The following POLE variants were observed in gnomAD, a reference collection of about 807,000 sequenced individuals.
POLE encodes the protein DNA polymerase epsilon catalytic subunit A.
POLE carries 188 observed loss-of-function variants against 279.2 expected under a neutral mutation model. The observed-to-expected ratio is 0.67, with a 90% CI of 0.60 to 0.76. The LOEUF is 0.76. Among genes scored for constraint, POLE ranks in the 30% least tolerant of loss-of-function variants. POLE has a pLI of 0.00. For missense variants in POLE, 2,703 were observed against 3,016.7 expected (o/e 0.90, Z 2.44); for synonymous variants, 1,214 against 1,172.5 (o/e 1.04, Z -0.72).
chr12:132,625,237 C>A (rs1213895219), intron 47 of POLE: 10 of 726,398 alleles, frequency 1.4e-5, no homozygotes, highest in South Asian at 1.3e-4. Context: ...GAGGCCTCCT[C>A]CAGGCCCTGC....
In POLE at chr12:132,639,282, C is replaced by T. The variant is rs780525568; in HGVS notation, c.5395G>A (p.Val1799Ile). The T allele has an allele frequency of 2.5e-6, 4 of 1,614,026 alleles. No individual in the cohort carries two copies. Among genetic ancestry groups the T allele is most frequent in the Non-Finnish European group, 3.4e-6 (4 of 1,179,944 alleles). Residue 1799 changes from valine (V) to isoleucine (I), a missense_variant, in exon 40 of 49, where the codon GTC becomes ATC. Physicochemically the swap from Val to Ile is conservative, Grantham distance 29 (BLOSUM62 3). Around this residue, in one of 5 missense-constraint regions of POLE, gnomAD observed 1,551 missense variants for 1,686.1 expected, o/e 0.92. Transcript: ENST00000320574. The surrounding 1 kb of genome is among the most constrained non-coding windows in gnomAD (Gnocchi z 4.7). ...SNTFRILKSM[V>I]VGWVKEITQY... ...GTGATCTCCTTCACCCAGCCCACGA[C>T]CATGCTCTTCAGGATCCTGAAAGAG... is the stretch of plus-strand genomic sequence containing the variant.
At chr12:132,676,792 GACTAACCAACCTAC>G in intron 8 of POLE, 139 bp from the exon 9 acceptor site, 1 of 633,120 alleles carries the variant, frequency 1.6e-6, no homozygotes, top group Admixed American at 2.6e-5. Context: ...AGGACCCTAA[GACTAACCAACCTAC>G]ATCAAGAGTA....
rs2042236332 is a variant in POLE at position 132,644,717 on chromosome 12, C to T, written c.4150-740G>A. ...GGAGAGCTGGAGAGGGGCACCCTAGCTTCGTGAATGGGGTCCTGGAGGGGT... is the reference window on the plus strand; with the variant it reads ...GGAGAGCTGGAGAGGGGCACCCTAGTTTCGTGAATGGGGTCCTGGAGGGGT... On this transcript the variant is annotated intron_variant, in intron 32 of 48. Transcript: ENST00000320574. Among the ~76,000 whole-genome samples the T allele has an allele frequency of 2.0e-5, 3 of 146,438 alleles. No individual in the cohort carries two copies. In the South Asian group the frequency reaches 6.5e-4, roughly 32 times the overall value.
intron 29 of POLE, among the ~76,000 whole-genome samples, chr12:132,652,962 T>C (rs2042455966): frequency 6.6e-6 from 1 of 152,260 alleles, no homozygotes; most frequent in Non-Finnish European, 1.5e-5. Flanking sequence ...TTCTTTTTTA[T>C]TGGAATTACA....
chr12:132,668,608 G>C lies in POLE; in HGVS notation c.2026+27C>G, dbSNP rs752516403. 2 of 1,599,614 alleles carry C rather than the reference G, an allele frequency of 1.3e-6. No individual in the cohort carries two copies. Among genetic ancestry groups the C allele is most frequent in the Admixed American group, 1.7e-5 (1 of 59,700 alleles). Reference sequence around the variant, plus strand: ...CACTCACCCACCCGTTTCCCACCGAGTGCCCACCCAGGCGGCCGACACTCA... The same window carrying C: ...CACTCACCCACCCGTTTCCCACCGACTGCCCACCCAGGCGGCCGACACTCA... On this transcript the variant is annotated intron_variant, in intron 18 of 48. Coordinates refer to ENST00000320574, the MANE Select transcript of POLE (RefSeq NM_006231.4). This position sits in a 1 kb window ranked among gnomAD's most constrained non-coding sequence, Gnocchi z 4.0.
At chr12:132,680,107 T>C (rs184641061) in intron 4 of POLE, 61 bp from the exon 5 acceptor site, 438 of 1,595,132 alleles carry the variant, frequency 2.7e-4, no homozygotes, top group Middle Eastern at 1.0e-3. Context: ...TCCTTGCCTA[T>C]TTCCCAGTTG....
In POLE at chr12:132,649,907, A is replaced by T; in HGVS notation, c.3583-18T>A. Reference sequence around the variant, plus strand: ...ATCGTGACCTGGAAAGACCCAGTGAAGCCTTAAATCTCAGGATCTCGGGCT... The same window carrying T: ...ATCGTGACCTGGAAAGACCCAGTGATGCCTTAAATCTCAGGATCTCGGGCT... On this transcript the variant is annotated intron_variant, in intron 29 of 48. Coordinates refer to ENST00000320574, the MANE Select transcript of POLE (RefSeq NM_006231.4). 6.2e-7 allele frequency: 1 copy of T among 1,611,016 alleles called. No individual in the cohort carries two copies.
chr12:132,681,320 C>T (rs778076927), intron 1 of POLE, 41 bp from the exon 2 acceptor site: 1 of 1,587,788 alleles, frequency 6.3e-7, no homozygotes, highest in South Asian at 1.2e-5. Context: ...TTTGTAATGC[C>T]ACCTGCTGCT....
intron 45 of POLE, among the ~76,000 whole-genome samples, chr12:132,628,540 G>A (rs2041878706): frequency 6.6e-6 from 1 of 151,992 alleles, no homozygotes; most frequent in African/African-American, 2.4e-5. Context: ...CTACTTGGGA[G>A]GCTGATGTAG....
In POLE at chr12:132,657,823, T is replaced by C. The variant is rs771175128; in HGVS notation, c.3378+45A>G. ...TCAGACATATTCTGCTCTGTCTAGC[T>C]TTCCTTGTAAACTTTTAAGAGTAGA... On this transcript the variant is annotated intron_variant, in intron 27 of 48. Transcript: ENST00000320574. The C allele has an allele frequency of 3.0e-6, 4 of 1,332,914 alleles. No homozygotes were observed. The African/African-American group carries it at 4.3e-5, about 14-fold the overall frequency. The allele number at this position is 1,332,914 out of a possible 1,614,324, so 82.6% of individuals were successfully genotyped here. A position where few individuals can be genotyped will look rare whatever the true frequency, so the allele number is the denominator to read the frequency against.
At position 132,672,760 on chromosome 12, in the gene POLE, T is replaced by C. The variant is rs553123678; in HGVS notation, c.1553A>G (p.Asn518Ser). 4.3e-6 allele frequency: 7 copies of C among 1,614,138 alleles called. No individual in the cohort carries two copies. The highest frequency in any genetic ancestry group is 4.0e-5 in the African/African-American group (3 of 75,036). The change falls in exon 15 of 49, where the codon AAC becomes AGC. Residue 518 changes from asparagine (N) to serine (S), a missense_variant. Asn to Ser is a conservative substitution (Grantham distance 46). Transcript: ENST00000320574. ...QAFHANIIFP[N>S]KQEQEFNKLT... ...CTTATTGAACTCCTGCTCTTGCTTG[T>C]TGGGGAAGATGATGTTGGCGTGGAA...
chr12:132,651,455 T>C (rs1314389633), intron 29 of POLE: 4 of 152,272 alleles, frequency 2.6e-5, no homozygotes, highest in African/African-American at 9.7e-5. Context: ...ATCTTGCTAC[T>C]TGATGCCACC....
chr12:132,677,896 G>A (rs2043092351), intron 6 of POLE, among the ~76,000 whole-genome samples, 177 bp from the exon 7 acceptor site: 1 of 152,192 alleles, frequency 6.6e-6, no homozygotes, highest in Admixed American at 6.5e-5. Flanking sequence ...GCTTGGACTG[G>A]GCCAGGCGTG....
rs766531363 is a variant in POLE at position 132,642,355 on chromosome 12, G to A, written c.4995C>T (p.Ser1665=). 15 of 1,587,842 alleles carry A rather than the reference G, an allele frequency of 9.4e-6. No homozygotes were observed. The East Asian group carries it at 2.9e-4, about 31-fold the overall frequency. The change falls in exon 38 of 49, where the codon TCC becomes TCT. Residue 1665 remains serine, a synonymous_variant. Transcript: ENST00000320574. ...IPIGNLPEDI[S]TFGSDLFFAR... Reference sequence around the variant, plus strand: ...CAAAGAAGAGGTCGGAGCCGAATGTGGAGATGTCCTCTGGTAGGTTCCCAA... The same window carrying A: ...CAAAGAAGAGGTCGGAGCCGAATGTAGAGATGTCCTCTGGTAGGTTCCCAA...
At position 132,625,704 on chromosome 12, in the gene POLE, C is replaced by T. The variant is rs752113614; in HGVS notation, c.6598G>A (p.Glu2200Lys). 7.4e-6 allele frequency: 12 copies of T among 1,613,744 alleles called. No individual in the cohort carries two copies. The highest frequency in any genetic ancestry group is 2.2e-5 in the East Asian group (1 of 44,890). ...CQAPYDSSAIEMTLVEVLQKK... is the reference protein window; with the variant it reads ...CQAPYDSSAIKMTLVEVLQKK... ...TGTAGAACTTCCACCAGCGTCATCT[C>T]GATGGCAGAGGAGTCGTAGGGCGCC... Residue 2200 changes from glutamate (E) to lysine (K), a missense_variant, in exon 47 of 49, where the codon GAG (glutamate) becomes AAG (lysine). Glu to Lys is a moderately conservative substitution (Grantham distance 56). Around this residue, in one of 5 missense-constraint regions of POLE, gnomAD observed 1,551 missense variants for 1,686.1 expected, o/e 0.92. Coordinates refer to ENST00000320574, the MANE Select transcript of POLE (RefSeq NM_006231.4).
intron 20 of POLE, 146 bp from the exon 21 acceptor site, chr12:132,665,596 C>CAT: frequency 1.2e-6 from 1 of 835,670 alleles, no homozygotes; most frequent in Non-Finnish European, 1.8e-6. Flanking sequence ...GTACATTCTT[C>CAT]TCCTAGACTG....
Position 132,642,402 on chromosome 12 carries a change from A to C in POLE, c.4953-5T>G, listed in dbSNP as rs757060708. ...CCAATGGGAATGTGAAAGTACCTGC[A>C]CCAGGGCACAGGTCAGCACCGGGGC... On this transcript the variant is annotated splice_polypyrimidine_tract_variant and splice_region_variant and intron_variant, in intron 37 of 48. Transcript: ENST00000320574. The C allele has an allele frequency of 1.9e-6, 3 of 1,581,742 alleles. No homozygotes were observed. Among genetic ancestry groups the C allele is most frequent in the Non-Finnish European group, 2.6e-6 (3 of 1,160,190 alleles).
chr12:132,660,912 C>A (rs2138687390), intron 25 of POLE, 57 bp downstream of exon 25: 1 of 1,443,500 alleles, frequency 6.9e-7, no homozygotes, highest in Non-Finnish European at 9.3e-7. Context: ...ACGGGGTCCC[C>A]TTCTTGCTTC....
rs763221440 is a variant in POLE, at chr12:132,624,877, G to A, written c.6747+28C>T. On this transcript the variant is annotated intron_variant, in intron 48 of 48. Transcript: ENST00000320574. ...GAGAGGAGGCCAAGGAGGCCAGGCT[G>A]AGCCGAGGCAGATGAGGGAGAGCCC... 63 of 1,602,722 alleles carry A rather than the reference G, an allele frequency of 3.9e-5. No individual in the cohort carries two copies. The highest frequency in any genetic ancestry group is 5.1e-6 in the Non-Finnish European group (6 of 1,169,606).
Sources: allele counts gnomAD v4.1 joint callset (sites outside exome capture counted in the v4.1 genomes callset), GRCh38; gene constraint gnomAD v4.1.1; regional missense constraint gnomAD v4.1.1; non-coding constraint Gnocchi (gnomAD v3.1); transcripts MANE v1.5; gene names NCBI Gene and HGNC (gene_info 2026-07-23, HGNC 2026-07-21).